Variants in SLCO5A1 observed in about 807,000 individuals in gnomAD.
The protein encoded by SLCO5A1 is organic anion transporter polypeptide-related protein 4.
A neutral mutation model predicts 65.1 loss-of-function variants in SLCO5A1; 39 were observed. The ratio of observed to expected loss-of-function variants is 0.60; its 90% CI spans 0.46 to 0.78. The LOEUF (loss-of-function observed/expected upper bound fraction) is 0.78, where lower values mean the gene tolerates loss of function less well. Among genes scored for constraint, SLCO5A1 ranks in the 30% least tolerant of loss-of-function variants. SLCO5A1 has a pLI of 0.00. For missense variants in SLCO5A1, 1,029 were observed against 1,069.4 expected, an observed-to-expected ratio of 0.96 and a Z score of 0.53; for synonymous variants, 438 against 415.7, an observed-to-expected ratio of 1.05 and a Z score of -0.65.
At chr8:69,819,894 T>C (rs1563373892) in intron 2 of SLCO5A1, among the ~76,000 whole-genome samples, 1 of 151,856 alleles carries the variant, frequency 6.6e-6, no homozygotes, top group Admixed American at 6.6e-5. Context: ...ACCCGGGAGG[T>C]GGAGGTTGCA....
intron 5 of SLCO5A1, among the ~76,000 whole-genome samples, chr8:69,729,131 G>A (rs1479556241): frequency 3.3e-5 from 5 of 152,068 alleles, no homozygotes; most frequent in Non-Finnish European, 7.4e-5. Context: ...CCAAAGATTG[G>A]GCAACTGGAG....
At chr8:69,763,614 CAAAAAAAAAAAAAAAAAAAA>C (rs770191440) in intron 2 of SLCO5A1, among the ~76,000 whole-genome samples, 56 of 13,168 alleles carry the variant, frequency 4.3e-3, no homozygotes, top group Non-Finnish European at 6.2e-3. Flanking sequence ...AGCAAGACTC[CAAAAAAAAAAAAAAAAAAAA>C]AAAAAAAAAA....
At chr8:69,761,440 T>C in intron 3 of SLCO5A1, 2 of 293,220 alleles carry the variant, frequency 6.8e-6, no homozygotes, top group Non-Finnish European at 1.3e-5. Context: ...TCTTTGATTC[T>C]TGCCCTCCTG....
chr8:69,683,462 T>C (rs571219928), intron 6 of SLCO5A1, among the ~76,000 whole-genome samples: 1 of 152,306 alleles, frequency 6.6e-6, no homozygotes, highest in South Asian at 2.1e-4. Context: ...TATTGTGTAG[T>C]AGCGAAGTTT....
At chr8:69,808,332 A>C (rs1328667810) in intron 2 of SLCO5A1, among the ~76,000 whole-genome samples, 1 of 151,154 alleles carries the variant, frequency 6.6e-6, no homozygotes, top group East Asian at 1.9e-4. Context: ...CCCACACTTC[A>C]CCCTCCAAAA....
At chr8:69,812,064 A>ATTTACATCAATT (rs1296217279) in intron 2 of SLCO5A1, among the ~76,000 whole-genome samples, 1 of 152,196 alleles carries the variant, frequency 6.6e-6, no homozygotes, top group Non-Finnish European at 1.5e-5. Flanking sequence ...CAATTTACAA[A>ATTTACATCAATT]TGCAAAAACT....
At chr8:69,683,230 C>T (rs991608380) in intron 6 of SLCO5A1, among the ~76,000 whole-genome samples, 5 of 152,168 alleles carry the variant, frequency 3.3e-5, no homozygotes, top group Admixed American at 6.5e-5. Flanking sequence ...GCTCGTACCC[C>T]ATGACCGCTT....
At chr8:69,765,938 A>C (rs752175984) in intron 2 of SLCO5A1, among the ~76,000 whole-genome samples, 1 of 152,108 alleles carries the variant, frequency 6.6e-6, no homozygotes, top group African/African-American at 2.4e-5. Flanking sequence ...TTTTTTGTCT[A>C]TTCTAGCAGC....
chr8:69,828,661 T>C (rs2380606), intron 2 of SLCO5A1, among the ~76,000 whole-genome samples: 92,815 of 151,970 alleles, frequency 0.61, 30,729 homozygotes, highest in African/African-American at 0.89. Context: ...ATTTCTATTC[T>C]TTTCCTTCCC....
At chr8:69,752,545 T>G (rs1378740967) in intron 4 of SLCO5A1, among the ~76,000 whole-genome samples, 1 of 152,188 alleles carries the variant, frequency 6.6e-6, no homozygotes, top group Non-Finnish European at 1.5e-5. Flanking sequence ...ATGTATTAGA[T>G]ACACTAAAGG....
At chr8:69,828,984 T>C (rs765249832) in intron 2 of SLCO5A1, among the ~76,000 whole-genome samples, 2 of 152,062 alleles carry the variant, frequency 1.3e-5, no homozygotes, top group Non-Finnish European at 2.9e-5. Flanking sequence ...GTTTTCAAAG[T>C]AAATAGAGGC....
chr8:69,749,007 A>G (rs1359646761), intron 4 of SLCO5A1, among the ~76,000 whole-genome samples: 2 of 152,218 alleles, frequency 1.3e-5, no homozygotes, highest in East Asian at 3.8e-4. Context: ...AAAACTGCAA[A>G]CACAAAATTA....
intron 2 of SLCO5A1, among the ~76,000 whole-genome samples, chr8:69,795,309 T>G (rs1378554243): frequency 6.6e-6 from 1 of 152,200 alleles, no homozygotes; most frequent in Non-Finnish European, 1.5e-5. Context: ...CCTATGAACC[T>G]GTAAAATCAA....
chr8:69,688,938 G>T (rs1814117978), intron 6 of SLCO5A1, among the ~76,000 whole-genome samples: 1 of 152,012 alleles, frequency 6.6e-6, no homozygotes, highest in Non-Finnish European at 1.5e-5. Context: ...GGTTGAACTA[G>T]TTTACAGTCC....
chr8:69,784,895 G>GAAGA (rs200219200), intron 2 of SLCO5A1, among the ~76,000 whole-genome samples: 11,463 of 84,962 alleles, frequency 0.13, 906 homozygotes, highest in Middle Eastern at 0.17. Context: ...AAGAAGAAAG[G>GAAGA]AAGAAAGAAA....
intron 4 of SLCO5A1, among the ~76,000 whole-genome samples, chr8:69,738,745 G>T (rs1816673808): frequency 1.3e-5 from 2 of 152,162 alleles, no homozygotes; most frequent in South Asian, 4.1e-4. Flanking sequence ...AAAGAATGAG[G>T]CCATCAGGTC....
At chr8:69,715,695 A>G (rs1342329493) in intron 5 of SLCO5A1, among the ~76,000 whole-genome samples, 2 of 152,192 alleles carry the variant, frequency 1.3e-5, no homozygotes, top group East Asian at 1.9e-4. Context: ...CCAGGTGGAA[A>G]TTTTGCTCTT....
At chr8:69,783,976 G>C (rs1039902549) in intron 2 of SLCO5A1, among the ~76,000 whole-genome samples, 17 of 152,168 alleles carry the variant, frequency 1.1e-4, no homozygotes, top group African/African-American at 4.1e-4. Flanking sequence ...CTTCATAATG[G>C]AGGAGGCTAT....
chr8:69,765,219 C>A (rs199543047), intron 2 of SLCO5A1, among the ~76,000 whole-genome samples: 1 of 148,842 alleles, frequency 6.7e-6, no homozygotes. Flanking sequence ...TATATATATA[C>A]ACACACACAC....
Sources: gnomAD v4.1 joint callset for allele counts (sites outside exome capture counted in the v4.1 genomes callset) on GRCh38, gnomAD v4.1.1 for gene constraint, MANE v1.5 for transcripts, NCBI Gene and HGNC (gene_info 2026-07-23, HGNC 2026-07-21) for gene names.